SAMD5: variants seen among roughly 807,000 people sequenced by gnomAD.
SAMD5 encodes sterile alpha motif domain-containing protein 5.
In SAMD5, 13 loss-of-function variants were observed where a neutral mutation model predicts 11.3. The observed-to-expected ratio is 1.15, with a 90% CI of 0.75 to 1.83. SAMD5 has a LOEUF of 1.83. Among genes scored for constraint, SAMD5 ranks in the 40% most tolerant of loss-of-function variants. The pLI, the probability that SAMD5 is intolerant of heterozygous loss-of-function variation, is 0.00. For missense variants in SAMD5, 255 were observed against 239.1 expected (o/e 1.07, Z -0.44); for synonymous variants, 129 against 111.3 (o/e 1.16, Z -1.00).
chr6:147,556,787 C>T (rs1013237037), intron 1 of SAMD5, among the ~76,000 whole-genome samples: 3 of 152,156 alleles, frequency 2.0e-5, no homozygotes, highest in African/African-American at 7.2e-5. Flanking sequence ...AACAAAAATA[C>T]TGGCAATTAT....
intron 1 of SAMD5, among the ~76,000 whole-genome samples, chr6:147,509,744 A>C (rs559999101): frequency 3.3e-5 from 5 of 152,328 alleles, no homozygotes; most frequent in Admixed American, 2.0e-4. Flanking sequence ...GAAGAGTACC[A>C]GAAAAAATGG....
the SAMD5 span, among the ~76,000 whole-genome samples, chr6:147,822,796 G>T: frequency 6.6e-6 from 1 of 152,042 alleles, no homozygotes; most frequent in African/African-American, 2.4e-5. Flanking sequence ...AATGTGGCCT[G>T]ACTTAGAATA....
the SAMD5 span, among the ~76,000 whole-genome samples, chr6:147,826,445 CTT>C: frequency 1.6e-4 from 24 of 152,170 alleles, no homozygotes; most frequent in African/African-American, 5.8e-4. Context: ...AGCAGGCTCT[CTT>C]TAAAAGGGCA....
At chr6:147,878,603 ATCTATATAGATATATATGTATATATATC>A in the SAMD5 span, among the ~76,000 whole-genome samples, 1 of 146,700 alleles carries the variant, frequency 6.8e-6, no homozygotes, top group Non-Finnish European at 1.5e-5. Context: ...ATACATATAT[ATCTATATAGATATATATGTATATATATC>A]TATATATTTA....
At chr6:147,877,799 A>T in the SAMD5 span, among the ~76,000 whole-genome samples, 5 of 150,978 alleles carry the variant, frequency 3.3e-5, no homozygotes, top group Admixed American at 2.0e-4. Flanking sequence ...CCCTACAATC[A>T]CTGAACCAGT....
intron 1 of SAMD5, among the ~76,000 whole-genome samples, chr6:147,663,810 AAAGAGAG>A (rs1790679524): frequency 7.3e-6 from 1 of 136,358 alleles, no homozygotes; most frequent in African/African-American, 2.5e-5. Flanking sequence ...AAAAAAAAAA[AAAGAGAG>A]AGAAAGAAAA....
the SAMD5 span, among the ~76,000 whole-genome samples, chr6:147,792,664 T>C: frequency 2.0e-5 from 3 of 152,132 alleles, no homozygotes; most frequent in South Asian, 6.2e-4. Flanking sequence ...AAGAAATGGA[T>C]GATTCTGTGA....
chr6:147,750,926 GAACA>G, the SAMD5 span, among the ~76,000 whole-genome samples: 11 of 152,194 alleles, frequency 7.2e-5, no homozygotes, highest in East Asian at 7.7e-4. Flanking sequence ...ATCTCAAAAT[GAACA>G]AACAAACAAA....
intron 1 of SAMD5, among the ~76,000 whole-genome samples, chr6:147,726,518 G>GGGCCCA (rs144551152): frequency 0.078 from 11,827 of 152,184 alleles, 500 homozygotes; most frequent in Non-Finnish European, 0.085. Flanking sequence ...GGCCTGCCTG[G>GGGCCCA]GGCCCAGGCC....
At chr6:147,824,897 C>T in the SAMD5 span, among the ~76,000 whole-genome samples, 2 of 152,112 alleles carry the variant, frequency 1.3e-5, no homozygotes, top group Non-Finnish European at 2.9e-5. Flanking sequence ...TGAGTGTGGT[C>T]TCTGAACTCT....
chr6:147,801,001 T>C, the SAMD5 span, among the ~76,000 whole-genome samples: 1 of 152,188 alleles, frequency 6.6e-6, no homozygotes, highest in Non-Finnish European at 1.5e-5. Flanking sequence ...TTAAATTTTA[T>C]TGTAATACAT....
chr6:147,770,984 G>T, the SAMD5 span, among the ~76,000 whole-genome samples: 1 of 152,216 alleles, frequency 6.6e-6, no homozygotes, highest in Admixed American at 6.5e-5. Flanking sequence ...TCATATACTT[G>T]TAGAAAGGGA....
the SAMD5 span, among the ~76,000 whole-genome samples, chr6:147,883,046 A>G: frequency 6.6e-6 from 1 of 152,238 alleles, no homozygotes; most frequent in Non-Finnish European, 1.5e-5. Flanking sequence ...TGGAAGAAGC[A>G]ATTGCTTCCG....
chr6:147,935,010 C>T, the SAMD5 span, among the ~76,000 whole-genome samples: 1 of 152,086 alleles, frequency 6.6e-6, no homozygotes. Context: ...ACATGGATGC[C>T]AAGGCAGCAG....
intron 1 of SAMD5, chr6:147,660,821 T>C (rs955378645): frequency 6.6e-6 from 1 of 152,224 alleles, no homozygotes; most frequent in Non-Finnish European, 1.5e-5. Context: ...TGTGGAACCG[T>C]GAGTCGGTTA....
the SAMD5 span, among the ~76,000 whole-genome samples, chr6:147,906,851 T>C: frequency 6.6e-6 from 1 of 152,224 alleles, no homozygotes; most frequent in East Asian, 1.9e-4. Context: ...AACTTTAACT[T>C]TAGCTGAAAT....
Position 147,567,641 on chromosome 6 carries a change from CCT to C in SAMD5, c.*3191_*3192del. ...CTAGGCATGTAGCAGGTGCTGACTG[CCT>C]CTCTCCCTTCCCTTCTTTACTCTCA... On this transcript the variant is annotated 3_prime_UTR_variant, in exon 2 of 2. Coordinates refer to ENST00000367474, the MANE Select transcript of SAMD5 (RefSeq NM_001030060.3). 1 of 985,038 alleles carries C rather than the reference CCT, an allele frequency of 1.0e-6. No individual in the cohort carries two copies. Among genetic ancestry groups the C allele is most frequent in the Non-Finnish European group, 1.2e-6 (1 of 829,592 alleles). The allele number at this position is 985,038 out of a possible 1,614,324, so 61.0% of individuals were successfully genotyped here.
the SAMD5 span, among the ~76,000 whole-genome samples, chr6:147,896,686 C>T: frequency 1.7e-5 from 2 of 120,428 alleles, no homozygotes; most frequent in Non-Finnish European, 3.1e-5. Flanking sequence ...AAATATTATA[C>T]TGTGGGAGTT....
At chr6:147,590,156 A>T (rs1406672443) in intron 1 of SAMD5, among the ~76,000 whole-genome samples, 1 of 152,184 alleles carries the variant, frequency 6.6e-6, no homozygotes, top group Non-Finnish European at 1.5e-5. Context: ...AGGTTTATTT[A>T]TCCTGTTTAT....
Sources: gnomAD v4.1 joint callset for allele counts (sites outside exome capture counted in the v4.1 genomes callset) on GRCh38, gnomAD v4.1.1 for gene constraint, MANE v1.5 for transcripts, NCBI Gene and HGNC (gene_info 2026-07-23, HGNC 2026-07-21) for gene names.